The following SLC35F4 variants were observed in gnomAD, a reference collection of about 807,000 sequenced individuals.
SLC35F4 encodes solute carrier family 35 member F4.
A neutral mutation model predicts 44.2 loss-of-function variants in SLC35F4; 24 were observed. The observed-to-expected ratio is 0.54, with a 90% confidence interval of 0.39 to 0.76. The LOEUF (loss-of-function observed/expected upper bound fraction) is 0.76, where lower values mean the gene tolerates loss of function less well. Among genes scored for constraint, SLC35F4 ranks in the 30% least tolerant of loss-of-function variants. The probability of loss-of-function intolerance (pLI) is 0.00; values close to 1 mark genes in which losing one functional copy is unlikely to be tolerated. For synonymous variants in SLC35F4, 238 were observed against 223.6 expected (o/e 1.06, Z -0.57); for missense variants, 562 against 586.1 (o/e 0.96, Z 0.42).
intron 1 of SLC35F4, among the ~76,000 whole-genome samples, chr14:57,658,241 A>AT (rs2074030476): frequency 6.6e-6 from 1 of 152,178 alleles, no homozygotes; most frequent in Admixed American, 6.6e-5. Context: ...CATTGATACT[A>AT]TTTTTCAGAG....
intron 1 of SLC35F4, among the ~76,000 whole-genome samples, chr14:57,925,140 C>G (rs866849735): frequency 8.6e-5 from 13 of 151,496 alleles, no homozygotes; most frequent in African/African-American, 3.1e-4. Flanking sequence ...GAGAAGCCAT[C>G]AGTCTATTAA....
At chr14:57,772,165 A>T (rs141570232) in intron 1 of SLC35F4, among the ~76,000 whole-genome samples, 6 of 152,356 alleles carry the variant, frequency 3.9e-5, no homozygotes, top group African/African-American at 1.2e-4. Context: ...TTTCACTGTC[A>T]GAAAGCAAAA....
At chr14:57,878,466 C>A (rs1888448982) in intron 1 of SLC35F4, among the ~76,000 whole-genome samples, 1 of 152,134 alleles carries the variant, frequency 6.6e-6, no homozygotes. Context: ...ACATCTCCAA[C>A]CTCAACTCTG....
intron 1 of SLC35F4, among the ~76,000 whole-genome samples, chr14:57,804,166 A>C (rs556262802): frequency 6.6e-6 from 1 of 152,348 alleles, no homozygotes; most frequent in East Asian, 1.9e-4. Context: ...GATAGGAAGA[A>C]TCAATATCGT....
intron 1 of SLC35F4, among the ~76,000 whole-genome samples, chr14:57,841,782 A>T (rs1393808210): frequency 6.6e-6 from 1 of 152,210 alleles, no homozygotes; most frequent in Non-Finnish European, 1.5e-5. Context: ...ATTGTGCAAG[A>T]TATCGCTCAT....
intron 1 of SLC35F4, among the ~76,000 whole-genome samples, chr14:57,656,374 T>TAC (rs774070679): frequency 3.2e-5 from 4 of 125,786 alleles, no homozygotes; most frequent in South Asian, 5.1e-4. Flanking sequence ...TATATATATA[T>TAC]ATACACACAC....
chr14:57,568,691 G>T (rs189956226), intron 6 of SLC35F4, among the ~76,000 whole-genome samples: 16 of 152,258 alleles, frequency 1.1e-4, no homozygotes, highest in South Asian at 2.1e-4. Context: ...ATGAAAATAA[G>T]AACATTTAGC....
chr14:57,879,581 G>A (rs1888475384), intron 1 of SLC35F4, among the ~76,000 whole-genome samples: 1 of 152,056 alleles, frequency 6.6e-6, no homozygotes, highest in African/African-American at 2.4e-5. Context: ...TGCTCCTTTT[G>A]CCTGGAAGAG....
At chr14:57,965,493 C>T (rs931975928) in intron 1 of SLC35F4, among the ~76,000 whole-genome samples, 6 of 152,110 alleles carry the variant, frequency 3.9e-5, no homozygotes, top group African/African-American at 1.4e-4. Flanking sequence ...GATCACATAC[C>T]CACAGGTTCC....
At chr14:57,828,709 G>A (rs930794166) in intron 1 of SLC35F4, among the ~76,000 whole-genome samples, 4 of 152,134 alleles carry the variant, frequency 2.6e-5, no homozygotes, top group African/African-American at 7.2e-5. Context: ...CATTCCACAC[G>A]TGGCTGGTGA....
At chr14:57,898,935 C>A (rs899387233) in intron 1 of SLC35F4, among the ~76,000 whole-genome samples, 1 of 152,114 alleles carries the variant, frequency 6.6e-6, no homozygotes, top group African/African-American at 2.4e-5. Context: ...GATCATGCCT[C>A]CAGAGTGAAT....
chr14:57,845,196 T>C (rs570780839), intron 1 of SLC35F4, among the ~76,000 whole-genome samples: 43 of 152,324 alleles, frequency 2.8e-4, no homozygotes, highest in African/African-American at 1.0e-3. Context: ...TGAAATTTTA[T>C]AATTTTGACT....
chr14:57,624,667 C>G (rs10147516), intron 1 of SLC35F4, among the ~76,000 whole-genome samples: 1 of 151,834 alleles, frequency 6.6e-6, no homozygotes, highest in African/African-American at 2.4e-5. Context: ...AATCAATAAA[C>G]ATAATCCAGC....
intron 1 of SLC35F4, among the ~76,000 whole-genome samples, chr14:57,631,314 A>T (rs187146775): frequency 1.3e-3 from 195 of 152,182 alleles, no homozygotes; most frequent in Non-Finnish European, 2.4e-3. Context: ...TCTGGTTCCT[A>T]TGAAGATTTG....
rs187260543 is a variant in SLC35F4 at position 57,670,369 on chromosome 14, G to T, written c.104-76245C>A. ...GATCTTAAGTTATTTCTTGCCTTCTGCTGGCTTGTGAATGTGTTTGCTTTT... is the reference window on the plus strand; with the variant it reads ...GATCTTAAGTTATTTCTTGCCTTCTTCTGGCTTGTGAATGTGTTTGCTTTT... On this transcript the variant is annotated intron_variant, in intron 1 of 7. Transcript: ENST00000556826. 5.3e-4 allele frequency among the ~76,000 whole-genome samples: 80 copies of T among 152,094 alleles called. 1 individual carries two copies. The highest frequency in any genetic ancestry group is 1.8e-3 in the African/African-American group (76 of 41,432).
At chr14:57,903,520 T>C (rs964052925) in intron 1 of SLC35F4, among the ~76,000 whole-genome samples, 3 of 152,186 alleles carry the variant, frequency 2.0e-5, no homozygotes, top group African/African-American at 7.2e-5. Context: ...AAGGGGAGAA[T>C]CTTTGTCAAT....
At position 57,813,822 on chromosome 14, in the gene SLC35F4, G is replaced by A. The variant is rs188450477; in HGVS notation, c.103+51901C>T. Among the ~76,000 whole-genome samples the A allele has an allele frequency of 1.8e-3, 269 of 152,186 alleles. 1 individual carries two copies. Among genetic ancestry groups the A allele is most frequent in the African/African-American group, 5.4e-3 (224 of 41,542 alleles). On this transcript the variant is annotated intron_variant, in intron 1 of 7. Transcript: ENST00000556826. ...AGAGACAGGCAGGGCTGGCTCAGCCGCAGGCCACACCACAGGAAGGGAGAA... is the reference window on the plus strand; with the variant it reads ...AGAGACAGGCAGGGCTGGCTCAGCCACAGGCCACACCACAGGAAGGGAGAA...
intron 1 of SLC35F4, among the ~76,000 whole-genome samples, chr14:57,795,253 G>C (rs2078027302): frequency 6.6e-6 from 1 of 152,084 alleles, no homozygotes; most frequent in Admixed American, 6.6e-5. Context: ...TGGAAAAATA[G>C]AAAAATCTTG....
At chr14:57,897,711 T>C (rs1466911419) in intron 1 of SLC35F4, among the ~76,000 whole-genome samples, 1 of 152,148 alleles carries the variant, frequency 6.6e-6, no homozygotes, top group Non-Finnish European at 1.5e-5. Context: ...AAATAATTTC[T>C]CAAATGGAAA....
Sources: allele counts gnomAD v4.1 joint callset (sites outside exome capture counted in the v4.1 genomes callset), GRCh38; gene constraint gnomAD v4.1.1; transcripts MANE v1.5; gene names NCBI Gene and HGNC (gene_info 2026-07-23, HGNC 2026-07-21).